Variants in JAG1 observed in about 807,000 individuals in gnomAD.
JAG1 encodes the protein protein jagged-1.
Under a neutral mutation model 148.7 loss-of-function variants are expected in JAG1, and 23 were observed. That is an observed-to-expected ratio of 0.15 (90% CI 0.11 to 0.22). The LOEUF is 0.22. Ranked by LOEUF, JAG1 falls within the 10% of genes least tolerant of loss-of-function variation. The probability of loss-of-function intolerance (pLI) is 1.00; values close to 1 mark genes in which losing one functional copy is unlikely to be tolerated. For synonymous variants in JAG1, 572 were observed against 598.3 expected, an observed-to-expected ratio of 0.96 and a Z score of 0.64; for missense variants, 1,054 against 1,611.2, an observed-to-expected ratio of 0.65 and a Z score of 5.92.
rs1181262997 is a variant in JAG1, at chr20:10,645,653, T to C, written c.2000-184A>G. 3 of 658,556 alleles carry C rather than the reference T, an allele frequency of 4.6e-6. No individual in the cohort carries two copies. The highest frequency in any genetic ancestry group is 5.4e-6 in the Non-Finnish European group (2 of 370,218). The allele number at this position is 658,556 out of a possible 1,614,324, so 40.8% of individuals were successfully genotyped here. ...GAGCTCCCAACTGGGTTACTTTGAA[T>C]GCCACAAGTTAGGCAAGATGTGGGG... On this transcript the variant is annotated intron_variant, in intron 15 of 25. Coordinates refer to ENST00000254958, the MANE Select transcript of JAG1 (RefSeq NM_000214.3). This position sits in a 1 kb window ranked among gnomAD's most constrained non-coding sequence, Gnocchi z 6.1.
In JAG1 at chr20:10,643,822, C is replaced by G. The variant is rs774372899; in HGVS notation, c.2414G>C (p.Arg805Pro). The change falls in exon 20 of 26, where the codon CGG becomes CCG. Residue 805 changes from arginine (R) to proline (P), a missense_variant. By Grantham distance (103) the Arg-to-Pro change is moderately radical. This residue lies in a region of JAG1 where 342 missense variants were observed against 514.6 expected (regional missense o/e 0.66). Transcript: ENST00000254958. ...GTCVDGDNWY[R>P]CECAPGFAGP... ...AGCAAAACCCGGGGCACATTCGCAC[C>G]GGTACCAGTTGTCTCCATCCACACA... is the stretch of plus-strand genomic sequence containing the variant. 6.2e-7 allele frequency: 1 copy of G among 1,613,980 alleles called. No homozygotes were observed. Among genetic ancestry groups the G allele is most frequent in the Non-Finnish European group, 8.5e-7 (1 of 1,179,998 alleles).
rs2067269894 is a variant in JAG1, at chr20:10,641,330, T to C, written c.2917-86A>G. 52 of 1,571,796 alleles carry C rather than the reference T, an allele frequency of 3.3e-5. No homozygotes were observed. In the South Asian group the frequency reaches 5.8e-4, roughly 17 times the overall value. On this transcript the variant is annotated intron_variant, in intron 23 of 25. Coordinates refer to ENST00000254958, the MANE Select transcript of JAG1 (RefSeq NM_000214.3). ...GATGTTCTCTTTGAGGCTGGCTAAGTTCAAGCTTACTTTATTATAAAACAG... is the reference window on the plus strand; with the variant it reads ...GATGTTCTCTTTGAGGCTGGCTAAGCTCAAGCTTACTTTATTATAAAACAG...
intron 20 of JAG1, among the ~76,000 whole-genome samples, chr20:10,643,153 C>T (rs373117206): frequency 2.6e-5 from 4 of 152,234 alleles, no homozygotes; most frequent in Admixed American, 6.5e-5. Flanking sequence ...TAGTTAATCC[C>T]AGACTTGGAT....
At position 10,638,458 on chromosome 20, in the gene JAG1, A is replaced by G. The variant is rs1020780508; in HGVS notation, c.*1040T>C. On this transcript the variant is annotated 3_prime_UTR_variant, in exon 26 of 26. Coordinates refer to ENST00000254958, the MANE Select transcript of JAG1 (RefSeq NM_000214.3). ...TTTGGCTATGTTAAGTCATAGCTCA[A>G]CTTGTTCCCTTACTGCTCTGCAGCA... 6.6e-6 allele frequency: 1 copy of G among 152,634 alleles called. No individual in the cohort carries two copies. Among genetic ancestry groups the G allele is most frequent in the African/African-American group, 2.4e-5 (1 of 41,448 alleles). The allele number at this position is 152,634 out of a possible 1,614,324, so 9.5% of individuals were successfully genotyped here.
At chr20:10,646,880 A>C in intron 14 of JAG1, 59 bp downstream of exon 14, 1 of 1,520,440 alleles carries the variant, frequency 6.6e-7, no homozygotes, top group Non-Finnish European at 9.1e-7. Context: ...CCAGGGGCAG[A>C]GGCAGGGGCA....
rs1600177672 is a variant in JAG1, at chr20:10,639,739, T to C, written c.3416A>G (p.Tyr1139Cys). ...AGACATTTTGGAGTTCTTGTTCTCATAATCCTTGATGGGGACCGTGTTGGC... is the reference window on the plus strand; with the variant it reads ...AGACATTTTGGAGTTCTTGTTCTCACAATCCTTGATGGGGACCGTGTTGGC... ...HGANTVPIKD[Y>C]ENKNSKMSKI... Residue 1139 changes from tyrosine (Y) to cysteine (C), a missense_variant, in exon 26 of 26, where the codon TAT becomes TGT. By Grantham distance (194) the Tyr-to-Cys change is radical (BLOSUM62 -2). Coordinates refer to ENST00000254958, the MANE Select transcript of JAG1 (RefSeq NM_000214.3). The C allele has an allele frequency of 6.2e-7, 1 of 1,614,188 alleles. No homozygotes were observed. Among genetic ancestry groups the C allele is most frequent in the Non-Finnish European group, 8.5e-7 (1 of 1,179,996 alleles).
chr20:10,664,934 C>T (rs1295714160), intron 2 of JAG1, among the ~76,000 whole-genome samples: 3 of 152,134 alleles, frequency 2.0e-5, no homozygotes, highest in African/African-American at 4.8e-5. Flanking sequence ...AATTTTCCTT[C>T]GTAATTTACA....
intron 14 of JAG1, 96 bp downstream of exon 14, chr20:10,646,843 T>A: frequency 6.1e-6 from 7 of 1,150,982 alleles, no homozygotes; most frequent in Non-Finnish European, 9.0e-6. Flanking sequence ...AAAAAAAAAC[T>A]TTCAACACCA....
Position 10,647,000 on chromosome 20 carries a change from C to A in JAG1, c.1824G>T (p.Gln608His). Residue 608 changes from glutamine to histidine, a missense_variant, in exon 14 of 26, where the codon CAG becomes CAT. Gln to His is a conservative substitution (Grantham distance 24). Transcript: ENST00000254958. Reference protein sequence around the residue: ...VCGPHGKCKSQSGGKFTCDCN... With the variant: ...VCGPHGKCKSHSGGKFTCDCN... ...AGTCACAGGTGAATTTGCCTCCCGA[C>A]TGACTCTTGCACTTCCCGTGAGGAC... is the stretch of plus-strand genomic sequence containing the variant. The A allele has an allele frequency of 6.2e-7, 1 of 1,614,208 alleles. No homozygotes were observed. The highest frequency in any genetic ancestry group is 8.5e-7 in the Non-Finnish European group (1 of 1,180,024).
intron 8 of JAG1, chr20:10,650,602 T>TGGGG: frequency 1.9e-6 from 1 of 522,174 alleles, no homozygotes; most frequent in Non-Finnish European, 3.5e-6. Context: ...GAAAGACAGC[T>TGGGG]GGATACTGAC....
In JAG1 at chr20:10,642,505, C is replaced by G; in HGVS notation, c.2555G>C (p.Gly852Ala). 10 of 1,610,832 alleles carry G rather than the reference C, an allele frequency of 6.2e-6. No homozygotes were observed. Among genetic ancestry groups the G allele is most frequent in the Non-Finnish European group, 8.5e-6 (10 of 1,177,016 alleles). ...YRCVCPPGHSGAKCQEVSGRP... is the reference protein window; with the variant it reads ...YRCVCPPGHSAAKCQEVSGRP... ...ACACATACCTTCCTGGCACTTGGCA[C>G]CACTGTGCCCTGGAGGGCAGACACA... is the stretch of plus-strand genomic sequence containing the variant. The change falls in exon 21 of 26, where the codon GGT becomes GCT. Residue 852 changes from glycine (G) to alanine (A), a missense_variant. Around this residue, in one of 6 missense-constraint regions of JAG1, gnomAD observed 342 missense variants for 514.6 expected, o/e 0.66. Coordinates refer to ENST00000254958, the MANE Select transcript of JAG1 (RefSeq NM_000214.3).
At chr20:10,660,152 A>G (rs66504061) in intron 3 of JAG1, among the ~76,000 whole-genome samples, 52,200 of 152,036 alleles carry the variant, frequency 0.34, 9,327 homozygotes, top group East Asian at 0.45. Flanking sequence ...AAGCCCTATA[A>G]GTGACCAGGA....
At chr20:10,666,599 G>A (rs2067455495) in intron 2 of JAG1, among the ~76,000 whole-genome samples, 1 of 152,192 alleles carries the variant, frequency 6.6e-6, no homozygotes, top group Non-Finnish European at 1.5e-5. Flanking sequence ...CTGCCGAAGA[G>A]TCACCTGGCT....
At chr20:10,647,382 C>T in intron 13 of JAG1, 2 of 516,410 alleles carry the variant, frequency 3.9e-6, no homozygotes, top group Non-Finnish European at 7.0e-6. Context: ...GACATCTACC[C>T]AATTTGGTAA....
In JAG1 at chr20:10,638,587, T is replaced by TAA. The variant is rs1170669733; in HGVS notation, c.*909_*910dup. ...TCCTCAAACTGCCTCAGTCAGTCCT[T>TAA]AAAACGTGTTTTAAGTGATGCTATA... On this transcript the variant is annotated 3_prime_UTR_variant, in exon 26 of 26. Transcript: ENST00000254958. 4 of 152,656 alleles carry TAA rather than the reference T, an allele frequency of 2.6e-5. No individual in the cohort carries two copies. Among genetic ancestry groups the TAA allele is most frequent in the Non-Finnish European group, 5.9e-5 (4 of 68,038 alleles). The allele number at this position is 152,656 out of a possible 1,614,324, so 9.5% of individuals were successfully genotyped here. A position where few individuals can be genotyped will look rare whatever the true frequency, so the allele number is the denominator to read the frequency against.
rs1378948623 is a variant in JAG1 at position 10,641,472 on chromosome 20, C to A, written c.2904G>T (p.Glu968Asp). ...CANITFTFNK[E>D]MMSPGLTTEH... ...GGTTGTTACATACTGGTGACATCAT[C>A]TCCTTGTTAAAGGTAAATGTGATGT... The change falls in exon 23 of 26, where the codon GAG (glutamate) becomes GAT (aspartate). Residue 968 changes from glutamate (E) to aspartate (D), a missense_variant. Glu to Asp is a conservative substitution (Grantham distance 45). Around this residue, in one of 6 missense-constraint regions of JAG1, gnomAD observed 342 missense variants for 514.6 expected, o/e 0.66. Transcript: ENST00000254958. 19 of 1,613,510 alleles carry A rather than the reference C, an allele frequency of 1.2e-5. No individual in the cohort carries two copies. The highest frequency in any genetic ancestry group is 1.6e-5 in the Non-Finnish European group (19 of 1,179,606).
At chr20:10,644,489 G>A (rs1208985080) in intron 18 of JAG1, 105 bp from the exon 19 acceptor site, 6 of 891,264 alleles carry the variant, frequency 6.7e-6, no homozygotes, top group Admixed American at 1.9e-5. Flanking sequence ...TGATAAAGTC[G>A]TAGTTAACAC....
Position 10,643,870 on chromosome 20 carries a change from A to G in JAG1, c.2373-7T>C, listed in dbSNP as rs566557171. On this transcript the variant is annotated splice_polypyrimidine_tract_variant and splice_region_variant and intron_variant, in intron 19 of 25. Coordinates refer to ENST00000254958, the MANE Select transcript of JAG1 (RefSeq NM_000214.3). ...ACAGGTGCCGCTGTTGTAACTAAGAAAGCAAAGACCACCTTGGTTACCAAC... is the reference window on the plus strand; with the variant it reads ...ACAGGTGCCGCTGTTGTAACTAAGAGAGCAAAGACCACCTTGGTTACCAAC... 2 of 1,612,036 alleles carry G rather than the reference A, an allele frequency of 1.2e-6. No individual in the cohort carries two copies. Among genetic ancestry groups the G allele is most frequent in the African/African-American group, 1.3e-5 (1 of 74,922 alleles).
Position 10,638,505 on chromosome 20 carries a change from C to T in JAG1, c.*993G>A, listed in dbSNP as rs1190798211. The T allele has an allele frequency of 6.6e-6, 1 of 152,596 alleles. No homozygotes were observed. The highest frequency in any genetic ancestry group is 1.5e-5 in the Non-Finnish European group (1 of 68,038). The allele number at this position is 152,596 out of a possible 1,614,324, so 9.5% of individuals were successfully genotyped here. On this transcript the variant is annotated 3_prime_UTR_variant, in exon 26 of 26. Transcript: ENST00000254958. The stretch of plus-strand genomic sequence containing the variant: ...AGCAGATCACCTGCCTGTCTCTTTT[C>T]AAGTCTAAAGCAGAAAAACAAAAAA...
Sources: allele counts gnomAD v4.1 joint callset (sites outside exome capture counted in the v4.1 genomes callset), GRCh38; gene constraint gnomAD v4.1.1; regional missense constraint gnomAD v4.1.1; non-coding constraint Gnocchi (gnomAD v3.1); transcripts MANE v1.5; gene names NCBI Gene and HGNC (gene_info 2026-07-23, HGNC 2026-07-21).